CTNND2: variants seen among roughly 807,000 people sequenced by gnomAD.
CTNND2 encodes the protein catenin delta 2.
CTNND2 carries 22 observed loss-of-function variants against 144.4 expected under a neutral mutation model. The ratio of observed to expected loss-of-function variants is 0.15; its 90% CI spans 0.11 to 0.22. The LOEUF (loss-of-function observed/expected upper bound fraction) is 0.22. Ranked by LOEUF, CTNND2 falls within the 10% of genes least tolerant of loss-of-function variation. The pLI is 1.00. For synonymous variants in CTNND2, 751 were observed against 695.6 expected (o/e 1.08, Z -1.25); for missense variants, 1,353 against 1,618.8 (o/e 0.84, Z 2.82).
At chr5:11,423,200 A>C (rs1762507838) in intron 3 of CTNND2, among the ~76,000 whole-genome samples, 1 of 152,222 alleles carries the variant, frequency 6.6e-6, no homozygotes, top group Non-Finnish European at 1.5e-5. Flanking sequence ...ATCAAACTGA[A>C]TAGTTTGTGT....
intron 16 of CTNND2, among the ~76,000 whole-genome samples, chr5:11,071,625 A>T (rs1748318354): frequency 2.0e-5 from 3 of 151,960 alleles, no homozygotes; most frequent in Admixed American, 2.0e-4. Flanking sequence ...ACATCAGGAA[A>T]CACTGACTAG....
chr5:11,406,226 C>T (rs1036605330), intron 5 of CTNND2, among the ~76,000 whole-genome samples: 2 of 152,160 alleles, frequency 1.3e-5, no homozygotes, highest in Non-Finnish European at 2.9e-5. Context: ...ATTAGGATAG[C>T]TCAACTGACT....
intron 10 of CTNND2, among the ~76,000 whole-genome samples, chr5:11,217,302 T>C (rs2149857560): frequency 6.6e-6 from 1 of 152,198 alleles, no homozygotes; most frequent in East Asian, 1.9e-4. Flanking sequence ...ACTGGGAAGA[T>C]GTGCTCTGGT....
intron 1 of CTNND2, among the ~76,000 whole-genome samples, chr5:11,868,212 A>G (rs886733021): frequency 2.0e-5 from 3 of 151,978 alleles, no homozygotes; most frequent in Non-Finnish European, 4.4e-5. Context: ...CACTAGCCCC[A>G]ACTAAGACCT....
At chr5:11,727,860 T>C (rs763461435) in intron 2 of CTNND2, among the ~76,000 whole-genome samples, 12 of 152,246 alleles carry the variant, frequency 7.9e-5, no homozygotes, top group Middle Eastern at 3.2e-3. Flanking sequence ...TCAGAAATTA[T>C]TGTTGCACAT....
chr5:11,801,123 T>C lies in CTNND2; in HGVS notation c.38-68851A>G, dbSNP rs116777070. ...TCTTTTACAATTTTATCTTCCAAAG[T>C]GAATACACTCTTTTGTCGTTGTTGT... On this transcript the variant is annotated intron_variant, in intron 1 of 21. Transcript: ENST00000304623. Among the ~76,000 whole-genome samples the C allele has an allele frequency of 5.6e-3, 851 of 152,350 alleles. 6 individuals are homozygous for C. Among genetic ancestry groups the C allele is most frequent in the African/African-American group, 0.019 (797 of 41,582 alleles).
At chr5:11,040,808 C>A (rs1580119608) in intron 16 of CTNND2, among the ~76,000 whole-genome samples, 2 of 152,054 alleles carry the variant, frequency 1.3e-5, no homozygotes, top group African/African-American at 4.8e-5. Flanking sequence ...AGCATGATAA[C>A]CATAAAAATA....
At chr5:11,622,203 T>TA (rs1362941617) in intron 2 of CTNND2, among the ~76,000 whole-genome samples, 1 of 152,136 alleles carries the variant, frequency 6.6e-6, no homozygotes, top group Non-Finnish European at 1.5e-5. Flanking sequence ...CCTCAAGGTC[T>TA]AAAAATACCT....
chr5:11,582,270 A>G (rs546978510), intron 2 of CTNND2, among the ~76,000 whole-genome samples: 1 of 152,362 alleles, frequency 6.6e-6, no homozygotes, highest in South Asian at 2.1e-4. Flanking sequence ...ACTGACTAAA[A>G]TGAGCAGCTT....
intron 1 of CTNND2, among the ~76,000 whole-genome samples, chr5:11,798,376 T>G (rs72736617): frequency 0.02 from 2,999 of 152,334 alleles, 51 homozygotes; most frequent in Non-Finnish European, 0.032. Flanking sequence ...TTCATGTATG[T>G]TAGACTCTTT....
intron 10 of CTNND2, among the ~76,000 whole-genome samples, chr5:11,224,167 T>C (rs1561047715): frequency 6.6e-6 from 1 of 152,200 alleles, no homozygotes; most frequent in Non-Finnish European, 1.5e-5. Context: ...TCCCAGGCTG[T>C]TAGCAATATT....
At chr5:11,610,025 T>C (rs1156594498) in intron 2 of CTNND2, among the ~76,000 whole-genome samples, 1 of 152,246 alleles carries the variant, frequency 6.6e-6, no homozygotes, top group Admixed American at 6.5e-5. Flanking sequence ...CTAGTATTTG[T>C]TATGTTGATT....
chr5:11,877,317 C>A (rs1210701474), intron 1 of CTNND2, among the ~76,000 whole-genome samples: 1 of 151,992 alleles, frequency 6.6e-6, no homozygotes, highest in Non-Finnish European at 1.5e-5. Flanking sequence ...AGCAGTTATT[C>A]TTTTCTAATA....
intron 9 of CTNND2, among the ~76,000 whole-genome samples, chr5:11,295,351 G>C (rs564391412): frequency 9.9e-5 from 15 of 152,082 alleles, no homozygotes; most frequent in Admixed American, 3.9e-4. Context: ...ACAAATGGAA[G>C]AACATTCCGT....
rs1270109515 is a variant in CTNND2, at chr5:11,903,672, C to A, written c.37+145G>T. The A allele has an allele frequency of 4.5e-6, 4 of 892,654 alleles. No homozygotes were observed. The highest frequency in any genetic ancestry group is 4.7e-6 in the Non-Finnish European group (3 of 643,768). 55.3% of individuals were successfully genotyped at this position (892,654 alleles called of 1,614,324 possible). A position where few individuals can be genotyped will look rare whatever the true frequency, so the allele number is the denominator to read the frequency against. Reference sequence around the variant, plus strand: ...GGGACCTGGCGCGATCGCGGTCCTCCCCGAGGCAGGCAGAAACCCCGCAGC... The same window carrying A: ...GGGACCTGGCGCGATCGCGGTCCTCACCGAGGCAGGCAGAAACCCCGCAGC... On this transcript the variant is annotated intron_variant, in intron 1 of 21. Coordinates refer to ENST00000304623, the MANE Select transcript of CTNND2 (RefSeq NM_001332.4). This position sits in a 1 kb window ranked among gnomAD's most constrained non-coding sequence, Gnocchi z 5.4.
intron 12 of CTNND2, among the ~76,000 whole-genome samples, chr5:11,119,092 C>T (rs1580337651): frequency 6.6e-6 from 1 of 152,082 alleles, no homozygotes; most frequent in African/African-American, 2.4e-5. Context: ...GTCAGTCTTA[C>T]GTCTCTACCT....
chr5:11,542,823 C>T (rs6554631), intron 3 of CTNND2, among the ~76,000 whole-genome samples: 37,750 of 152,136 alleles, frequency 0.25, 5,436 homozygotes, highest in African/African-American at 0.39. Context: ...TTACGTGGGT[C>T]CCCCAAAACC....
At chr5:11,233,985 A>T (rs577299269) in intron 10 of CTNND2, among the ~76,000 whole-genome samples, 1 of 152,058 alleles carries the variant, frequency 6.6e-6, no homozygotes, top group African/African-American at 2.4e-5. Context: ...GAACATTATC[A>T]TGGGGCCTGG....
At chr5:11,697,436 A>G (rs1467927935) in intron 2 of CTNND2, among the ~76,000 whole-genome samples, 1 of 152,232 alleles carries the variant, frequency 6.6e-6, no homozygotes, top group East Asian at 1.9e-4. Context: ...TTGTTATGGC[A>G]TAAGTGGGAA....
Sources: gnomAD v4.1 joint callset for allele counts (sites outside exome capture counted in the v4.1 genomes callset) on GRCh38, gnomAD v4.1.1 for gene constraint, Gnocchi (gnomAD v3.1) non-coding constraint, MANE v1.5 for transcripts, NCBI Gene and HGNC (gene_info 2026-07-23, HGNC 2026-07-21) for gene names.